SEC14L5: variants seen among roughly 807,000 people sequenced by gnomAD.
The protein encoded by SEC14L5 is SEC14 like lipid binding 5, also known as SEC14-like protein 5.
A neutral mutation model predicts 84.6 loss-of-function variants in SEC14L5; 96 were observed. The ratio of observed to expected loss-of-function variants is 1.13; its 90% CI spans 0.96 to 1.34. The LOEUF (loss-of-function observed/expected upper bound fraction) is 1.34, where lower values mean the gene tolerates loss of function less well. SEC14L5 is among the 40% of genes most tolerant of loss of function. SEC14L5 has a pLI of 0.00. For missense variants in SEC14L5, 1,224 were observed against 942.5 expected (o/e 1.30, Z -3.91); for synonymous variants, 546 against 383.4 (o/e 1.42, Z -4.95).
intron 12 of SEC14L5, among the ~76,000 whole-genome samples, chr16:5,006,654 C>A (rs1195767739): frequency 6.6e-6 from 1 of 152,176 alleles, no homozygotes; most frequent in Non-Finnish European, 1.5e-5. Flanking sequence ...AGTGAGCTTG[C>A]GTCATTTCTG....
chr16:4,996,864 G>C lies in SEC14L5; in HGVS notation c.790G>C (p.Asp264His). 1 of 1,611,088 alleles carries C rather than the reference G, an allele frequency of 6.2e-7. No homozygotes were observed. Among genetic ancestry groups the C allele is most frequent in the Middle Eastern group, 1.7e-4 (1 of 6,036 alleles). The change falls in exon 8 of 16, where the codon GAT becomes CAT. Residue 264 changes from aspartate (D) to histidine (H), a missense_variant. By Grantham distance (81) the Asp-to-His change is moderately conservative. Coordinates refer to ENST00000251170, the MANE Select transcript of SEC14L5 (RefSeq NM_014692.2). ...CTTCTTTGTCTCTCAGATTCCCAAA[G>C]ATGAGCACATCCTTCGGTTCCTGCG... ...QETHKGKIPK[D>H]EHILRFLRAH...
intron 2 of SEC14L5, among the ~76,000 whole-genome samples, chr16:4,977,379 G>A (rs542503138): frequency 1.3e-5 from 2 of 148,486 alleles, no homozygotes; most frequent in Non-Finnish European, 3.0e-5. Flanking sequence ...CCCAGGAGGC[G>A]GAGGCGGCAG....
intron 15 of SEC14L5, among the ~76,000 whole-genome samples, chr16:5,012,384 G>A (rs1955815679): frequency 6.6e-6 from 1 of 152,120 alleles, no homozygotes; most frequent in Admixed American, 6.5e-5. Flanking sequence ...CACCATGAGA[G>A]GACCTTACTG....
At chr16:5,002,595 A>AC (rs1236134100) in intron 10 of SEC14L5, among the ~76,000 whole-genome samples, 1 of 152,042 alleles carries the variant, frequency 6.6e-6, no homozygotes, top group African/African-American at 2.4e-5. Flanking sequence ...AGCATAATTC[A>AC]CCCCAGATGG....
intron 2 of SEC14L5, among the ~76,000 whole-genome samples, chr16:4,984,431 C>G (rs781755267): frequency 3.9e-5 from 6 of 152,242 alleles, no homozygotes; most frequent in African/African-American, 1.4e-4. Context: ...GATTTATTCC[C>G]TCATCCGTTG....
chr16:4,997,577 TCA>T (rs762521171), intron 8 of SEC14L5, among the ~76,000 whole-genome samples: 2 of 152,140 alleles, frequency 1.3e-5, no homozygotes, highest in Non-Finnish European at 2.9e-5. Flanking sequence ...CCACAATTAC[TCA>T]CAATAATTGT....
In SEC14L5 at chr16:4,987,543, C is replaced by G. The variant is rs1446708140; in HGVS notation, c.64-14C>G. 6.5e-6 allele frequency: 10 copies of G among 1,539,386 alleles called. No individual in the cohort carries two copies. Among genetic ancestry groups the G allele is most frequent in the Non-Finnish European group, 8.8e-6 (10 of 1,142,792 alleles). On this transcript the variant is annotated splice_polypyrimidine_tract_variant and intron_variant, in intron 2 of 15. Transcript: ENST00000251170. ...CCCCCCCACCACGGCCGCTCACTGC[C>G]GCTCTGCCCCCAGGCCTACGAGAAG...
At chr16:4,999,275 G>A (rs759424599) in intron 8 of SEC14L5, among the ~76,000 whole-genome samples, 1 of 152,132 alleles carries the variant, frequency 6.6e-6, no homozygotes, top group Non-Finnish European at 1.5e-5. Context: ...TGAGTTCAAT[G>A]CTGACAGATC....
intron 7 of SEC14L5, 147 bp downstream of exon 7, chr16:4,996,607 A>C: frequency 1.6e-6 from 1 of 625,956 alleles, no homozygotes; most frequent in East Asian, 2.8e-5. Context: ...TCTGTGAGAC[A>C]AAGTCTCACT....
intron 4 of SEC14L5, among the ~76,000 whole-genome samples, chr16:4,989,786 G>T (rs1017292199): frequency 6.6e-6 from 1 of 152,168 alleles, no homozygotes; most frequent in East Asian, 1.9e-4. Context: ...CTCAGAATGA[G>T]TTCTATCAAT....
chr16:4,997,044 G>C lies in SEC14L5; in HGVS notation c.970G>C (p.Asp324His), dbSNP rs1310118465. 6.2e-7 allele frequency: 1 copy of C among 1,601,674 alleles called. No individual in the cohort carries two copies. Among genetic ancestry groups the C allele is most frequent in the African/African-American group, 1.3e-5 (1 of 74,434 alleles). Residue 324 changes from aspartate (D) to histidine (H), a missense_variant and splice_region_variant, in exon 8 of 16, where the codon GAT (aspartate) becomes CAT (histidine). By Grantham distance (81) the Asp-to-His change is moderately conservative. Coordinates refer to ENST00000251170, the MANE Select transcript of SEC14L5 (RefSeq NM_014692.2). ...YAGGWHYQDI[D>H]GRPLYILRLG... ...AGGGGGCTGGCATTACCAGGACATA[G>C]GTGCGTGCCTCCACCCACATCATGT... is the stretch of plus-strand genomic sequence containing the variant.
chr16:5,006,133 G>A, intron 12 of SEC14L5, 85 bp downstream of exon 12: 2 of 1,427,242 alleles, frequency 1.4e-6, no homozygotes, highest in East Asian at 2.3e-5. Context: ...GAGTGGGGCT[G>A]GGAGGTGGAG....
chr16:4,971,204 C>G (rs746814642), intron 2 of SEC14L5, among the ~76,000 whole-genome samples: 5 of 152,022 alleles, frequency 3.3e-5, no homozygotes, highest in Admixed American at 1.3e-4. Context: ...CGCCTATAAT[C>G]GTAGCACTTT....
At chr16:4,982,821 G>T (rs1431166480) in intron 2 of SEC14L5, among the ~76,000 whole-genome samples, 1 of 152,190 alleles carries the variant, frequency 6.6e-6, no homozygotes, top group African/African-American at 2.4e-5. Context: ...GCTTGTAAGT[G>T]GTAGAGCTGG....
At chr16:5,007,330 G>C in intron 12 of SEC14L5, 22 bp from the exon 13 acceptor site, 4 of 1,611,804 alleles carry the variant, frequency 2.5e-6, no homozygotes, top group Non-Finnish European at 3.4e-6. Context: ...CTGACCTGCT[G>C]CCCTTTATCT....
intron 2 of SEC14L5, among the ~76,000 whole-genome samples, chr16:4,986,087 G>A (rs573151522): frequency 2.0e-5 from 3 of 151,624 alleles, no homozygotes; most frequent in South Asian, 4.2e-4. Flanking sequence ...AGGGTTTGGG[G>A]GTTTCAATTT....
At chr16:4,973,177 T>A (rs1955300038) in intron 2 of SEC14L5, among the ~76,000 whole-genome samples, 1 of 152,216 alleles carries the variant, frequency 6.6e-6, no homozygotes, top group Admixed American at 6.5e-5. Context: ...GTGGCAGAGC[T>A]GGGGTCACAT....
intron 2 of SEC14L5, among the ~76,000 whole-genome samples, chr16:4,977,559 C>T (rs1167695793): frequency 6.6e-6 from 1 of 151,370 alleles, no homozygotes; most frequent in East Asian, 1.9e-4. Context: ...TCATGCCAGG[C>T]TGTCATCTGG....
chr16:4,979,608 C>G (rs1388124633), intron 2 of SEC14L5, among the ~76,000 whole-genome samples: 14 of 152,184 alleles, frequency 9.2e-5, no homozygotes, highest in Non-Finnish European at 4.4e-5. Context: ...TTCTGCCTGA[C>G]CAGCCACCCG....
Sources: allele counts gnomAD v4.1 joint callset (sites outside exome capture counted in the v4.1 genomes callset), GRCh38; gene constraint gnomAD v4.1.1; transcripts MANE v1.5; gene names NCBI Gene and HGNC (gene_info 2026-07-23, HGNC 2026-07-21).